The following PTPRD variants were observed in gnomAD, a reference collection of about 807,000 sequenced individuals.
PTPRD encodes receptor-type tyrosine-protein phosphatase delta.
A neutral mutation model predicts 214.5 loss-of-function variants in PTPRD; 34 were observed. The ratio of observed to expected loss-of-function variants is 0.16; its 90% confidence interval spans 0.12 to 0.21. The LOEUF (loss-of-function observed/expected upper bound fraction) is 0.21. PTPRD is among the 10% of genes least tolerant of loss of function. The probability of loss-of-function intolerance (pLI) is 1.00; values close to 1 mark genes in which losing one functional copy is unlikely to be tolerated. For synonymous variants in PTPRD, 1,128 were observed against 845.7 expected, an observed-to-expected ratio of 1.33 and a Z score of -5.79; for missense variants, 2,545 against 2,398.7, an observed-to-expected ratio of 1.06 and a Z score of -1.27.
chr9:9,636,136 T>A (rs1456337976), intron 7 of PTPRD, among the ~76,000 whole-genome samples: 2 of 152,190 alleles, frequency 1.3e-5, no homozygotes, highest in African/African-American at 4.8e-5. Context: ...TTTCACGTGT[T>A]CTTCTCCTGA....
chr9:10,373,942 C>T (rs553084920), intron 2 of PTPRD, among the ~76,000 whole-genome samples: 2 of 151,978 alleles, frequency 1.3e-5, no homozygotes, highest in Non-Finnish European at 2.9e-5. Flanking sequence ...TTGTTGAGTT[C>T]ACATCAATCA....
chr9:10,461,592 A>G (rs1322795389), intron 2 of PTPRD, among the ~76,000 whole-genome samples: 2 of 151,314 alleles, frequency 1.3e-5, no homozygotes, highest in African/African-American at 4.9e-5. Context: ...AGAAAAAAAC[A>G]TGTTGCATGA....
chr9:9,515,148 T>C (rs909641101), intron 8 of PTPRD, among the ~76,000 whole-genome samples: 1 of 152,138 alleles, frequency 6.6e-6, no homozygotes, highest in African/African-American at 2.4e-5. Flanking sequence ...TGGGTTATTG[T>C]TATTGACCGT....
intron 11 of PTPRD, among the ~76,000 whole-genome samples, chr9:8,920,692 C>T (rs962176410): frequency 4.6e-5 from 7 of 152,160 alleles, no homozygotes; most frequent in South Asian, 4.1e-4. Flanking sequence ...GCCCATGGGC[C>T]GTGGGTTGGA....
At chr9:8,941,232 A>C (rs548023035) in intron 11 of PTPRD, among the ~76,000 whole-genome samples, 2 of 152,340 alleles carry the variant, frequency 1.3e-5, no homozygotes, top group South Asian at 4.1e-4. Flanking sequence ...TTGTGAAATC[A>C]ATAAGGAAGC....
At chr9:9,085,471 AG>A (rs34953714) in intron 10 of PTPRD, among the ~76,000 whole-genome samples, 2 of 152,136 alleles carry the variant, frequency 1.3e-5, no homozygotes, top group Non-Finnish European at 2.9e-5. Context: ...TTTGACCCTT[AG>A]GGTGAAAATA....
intron 3 of PTPRD, among the ~76,000 whole-genome samples, chr9:10,251,472 C>A (rs185587544): frequency 9.7e-4 from 147 of 151,716 alleles, no homozygotes; most frequent in African/African-American, 3.2e-3. Flanking sequence ...TCTGTATCTT[C>A]ATTTCGAGTT....
intron 5 of PTPRD, among the ~76,000 whole-genome samples, chr9:9,884,785 C>A (rs955605306): frequency 6.6e-6 from 1 of 152,080 alleles, no homozygotes; most frequent in African/African-American, 2.4e-5. Flanking sequence ...AGGGGCTTTT[C>A]CCCACTTGCT....
chr9:10,205,206 A>T (rs910008878), intron 3 of PTPRD, among the ~76,000 whole-genome samples: 4 of 151,988 alleles, frequency 2.6e-5, no homozygotes. Context: ...TGTAGGATTT[A>T]TCTTTAAAGT....
chr9:10,477,459 A>T (rs1266687206), intron 2 of PTPRD, among the ~76,000 whole-genome samples: 3 of 152,192 alleles, frequency 2.0e-5, no homozygotes, highest in Non-Finnish European at 4.4e-5. Context: ...TAGAATGGTG[A>T]TCATTAAAAA....
intron 2 of PTPRD, among the ~76,000 whole-genome samples, chr9:10,478,448 G>A (rs2099077028): frequency 6.6e-6 from 1 of 152,146 alleles, no homozygotes; most frequent in Non-Finnish European, 1.5e-5. Context: ...GCATTTCCCA[G>A]TGGAAGCTAT....
chr9:9,740,451 G>A (rs1362740186), intron 6 of PTPRD, among the ~76,000 whole-genome samples: 3 of 151,542 alleles, frequency 2.0e-5, no homozygotes, highest in East Asian at 1.9e-4. Flanking sequence ...TCCGCCTCCC[G>A]GGTTCACGCC....
At chr9:9,358,689 A>G (rs922613388) in intron 9 of PTPRD, among the ~76,000 whole-genome samples, 2 of 151,382 alleles carry the variant, frequency 1.3e-5, no homozygotes, top group Middle Eastern at 3.4e-3. Flanking sequence ...CACTCCAAAA[A>G]CCCAGAGAGA....
intron 8 of PTPRD, among the ~76,000 whole-genome samples, chr9:9,453,935 T>C (rs2092624343): frequency 6.6e-6 from 1 of 151,712 alleles, no homozygotes; most frequent in African/African-American, 2.4e-5. Context: ...GAGATCCACT[T>C]CTAAAAAATG....
intron 8 of PTPRD, among the ~76,000 whole-genome samples, chr9:9,548,841 A>T (rs7866904): frequency 6.6e-6 from 1 of 151,966 alleles, no homozygotes; most frequent in Non-Finnish European, 1.5e-5. Flanking sequence ...ATATCCCTTA[A>T]AAGAAAACTT....
intron 11 of PTPRD, among the ~76,000 whole-genome samples, chr9:8,968,863 G>C (rs59519203): frequency 7.3e-4 from 111 of 152,166 alleles, no homozygotes; most frequent in African/African-American, 2.5e-3. Context: ...AATGGATTTT[G>C]TAAAATAAGA....
At chr9:9,731,038 T>C (rs1253062948) in intron 7 of PTPRD, among the ~76,000 whole-genome samples, 2 of 152,184 alleles carry the variant, frequency 1.3e-5, no homozygotes, top group African/African-American at 2.4e-5. Flanking sequence ...ATTCAGTGAT[T>C]CGTAAACATT....
chr9:9,632,811 A>G (rs950187896), intron 7 of PTPRD, among the ~76,000 whole-genome samples: 3 of 152,276 alleles, frequency 2.0e-5, no homozygotes, highest in South Asian at 2.1e-4. Flanking sequence ...GCACTATGGG[A>G]ACTAAGAATG....
rs556203249 is a variant in PTPRD at position 10,027,329 on chromosome 9, G to A, written c.-472+6389C>T. Among the ~76,000 whole-genome samples, 4 of 152,246 alleles carry A rather than the reference G, an allele frequency of 2.6e-5. 1 individual carries two copies. In the East Asian group the frequency reaches 7.7e-4, roughly 29 times the overall value. Reference sequence around the variant, plus strand: ...TTGAGATAAAAGCACAGGCAATAAAGCTGGGGGGAAAAGAGGTAGACAGAA... The same window carrying A: ...TTGAGATAAAAGCACAGGCAATAAAACTGGGGGGAAAAGAGGTAGACAGAA... On this transcript the variant is annotated intron_variant, in intron 4 of 45. Coordinates refer to ENST00000381196, the MANE Select transcript of PTPRD (RefSeq NM_002839.4).
Sources: allele counts gnomAD v4.1 joint callset (sites outside exome capture counted in the v4.1 genomes callset), GRCh38; gene constraint gnomAD v4.1.1; transcripts MANE v1.5; gene names NCBI Gene and HGNC (gene_info 2026-07-23, HGNC 2026-07-21).